MACROD2: variants seen among roughly 807,000 people sequenced by gnomAD.
MACROD2 encodes the protein mono-ADP ribosylhydrolase 2.
Under a neutral mutation model 70.4 loss-of-function variants are expected in MACROD2, and 36 were observed. That is an observed-to-expected ratio of 0.51 (90% CI 0.39 to 0.68). The LOEUF (loss-of-function observed/expected upper bound fraction) is 0.68. MACROD2 is among the 30% of genes least tolerant of loss of function. The pLI, the probability that MACROD2 is intolerant of heterozygous loss-of-function variation, is 0.00. For missense variants in MACROD2, 496 were observed against 538.4 expected (o/e 0.92, Z 0.78); for synonymous variants, 172 against 178.8 (o/e 0.96, Z 0.30).
At chr20:14,711,236 A>G (rs1378740017) in intron 5 of MACROD2, among the ~76,000 whole-genome samples, 1 of 152,180 alleles carries the variant, frequency 6.6e-6, no homozygotes, top group Non-Finnish European at 1.5e-5. Flanking sequence ...ACCTCTTGCT[A>G]GAGCATAGTT....
intron 4 of MACROD2, among the ~76,000 whole-genome samples, chr20:14,500,539 G>A (rs1908765261): frequency 1.3e-5 from 2 of 152,144 alleles, no homozygotes; most frequent in African/African-American, 4.8e-5. Context: ...TTGTCATTAA[G>A]CCTTCCAGAT....
chr20:15,016,863 G>A, intron 5 of MACROD2, among the ~76,000 whole-genome samples: 1 of 152,098 alleles, frequency 6.6e-6, no homozygotes, highest in South Asian at 2.1e-4. Flanking sequence ...CACGAGAATA[G>A]CACAAAAAAG....
intron 8 of MACROD2, among the ~76,000 whole-genome samples, chr20:15,770,331 A>G (rs2147015532): frequency 6.6e-6 from 1 of 152,188 alleles, no homozygotes; most frequent in Middle Eastern, 3.4e-3. Flanking sequence ...TTCTAAGTCT[A>G]AGGAAGAATT....
At chr20:13,998,522 T>C (rs1408978637) in intron 1 of MACROD2, among the ~76,000 whole-genome samples, 1 of 152,190 alleles carries the variant, frequency 6.6e-6, no homozygotes. Context: ...TCTGAGCTTT[T>C]TTAGCACTGC....
intron 8 of MACROD2, among the ~76,000 whole-genome samples, chr20:15,588,074 A>C (rs2048627044): frequency 6.6e-6 from 1 of 152,236 alleles, no homozygotes; most frequent in African/African-American, 2.4e-5. Context: ...CTGTCTGGGC[A>C]TCCAGGTGTT....
Position 14,892,200 on chromosome 20 carries a change from G to A in MACROD2, c.418+207241G>A, listed in dbSNP as rs145042417. On this transcript the variant is annotated intron_variant, in intron 5 of 17. Coordinates refer to ENST00000684519, the MANE Select transcript of MACROD2 (RefSeq NM_001351661.2). ...TAAATTTCTAAATGTGGGCTGGCAT[G>A]GTGGCTCACGCCTATAATCCCAGCA... 6.9e-3 allele frequency among the ~76,000 whole-genome samples: 1,056 copies of A among 152,278 alleles called. 8 individuals carry two copies. The highest frequency in any genetic ancestry group is 0.024 in the African/African-American group (999 of 41,556).
chr20:15,055,944 G>A (rs2075481590), intron 5 of MACROD2, among the ~76,000 whole-genome samples: 1 of 151,692 alleles, frequency 6.6e-6, no homozygotes, highest in African/African-American at 2.4e-5. Flanking sequence ...CCACCACCAT[G>A]CACAGCTAAT....
chr20:14,384,507 A>G (rs1266471604), intron 3 of MACROD2, among the ~76,000 whole-genome samples: 2 of 151,588 alleles, frequency 1.3e-5, no homozygotes. Context: ...GTAGATATTT[A>G]CTGGAGAGAA....
chr20:14,920,875 T>G (rs985638), intron 5 of MACROD2, among the ~76,000 whole-genome samples: 87,707 of 151,958 alleles, frequency 0.58, 25,604 homozygotes, highest in South Asian at 0.74. Context: ...CTCCACACAT[T>G]CACATTAGGA....
intron 5 of MACROD2, among the ~76,000 whole-genome samples, chr20:15,025,713 G>C (rs2075225532): frequency 1.3e-5 from 2 of 152,120 alleles, no homozygotes; most frequent in African/African-American, 4.8e-5. Flanking sequence ...GTAGGGAGGG[G>C]CTGGGGTGCT....
rs1438951437 is a variant in MACROD2, at chr20:15,690,588, T to A, written c.646-172157T>A. 2.0e-5 allele frequency among the ~76,000 whole-genome samples: 3 copies of A among 152,302 alleles called. No homozygotes were observed. The East Asian group carries it at 5.8e-4, about 29-fold the overall frequency. ...GGCACATGGATGATATTTAAAGCCA[T>A]GGGCTGAATAAAAGCACATAGAGAA... On this transcript the variant is annotated intron_variant, in intron 8 of 17. Transcript: ENST00000684519.
chr20:15,091,050 C>G (rs958824507), intron 5 of MACROD2, among the ~76,000 whole-genome samples: 2 of 151,938 alleles, frequency 1.3e-5, no homozygotes, highest in African/African-American at 2.4e-5. Flanking sequence ...CATCCTTCAA[C>G]CAAGGATGAG....
Position 14,462,422 on chromosome 20 carries a change from T to A in MACROD2, c.272-31057T>A, listed in dbSNP as rs138733515. ...TAAATTTGTTTGAGTTCATTGTAGA[T>A]TCTGGATATAAGCCCTTTGTCAGTT... On this transcript the variant is annotated intron_variant, in intron 3 of 17. Coordinates refer to ENST00000684519, the MANE Select transcript of MACROD2 (RefSeq NM_001351661.2). 1.1e-4 allele frequency among the ~76,000 whole-genome samples: 16 copies of A among 152,288 alleles called. No individual in the cohort carries two copies. The East Asian group carries it at 3.1e-3, about 29-fold the overall frequency.
At chr20:15,840,847 C>T (rs1465491767) in intron 8 of MACROD2, among the ~76,000 whole-genome samples, 5 of 152,264 alleles carry the variant, frequency 3.3e-5, no homozygotes, top group African/African-American at 1.2e-4. Context: ...AAATGTTACC[C>T]ACATTAGTTA....
At chr20:15,760,130 G>T (rs2146996800) in intron 8 of MACROD2, among the ~76,000 whole-genome samples, 1 of 152,112 alleles carries the variant, frequency 6.6e-6, no homozygotes, top group East Asian at 1.9e-4. Flanking sequence ...ACACTCGTGG[G>T]ATCAAAAAAG....
At chr20:15,733,683 A>G (rs146939910) in intron 8 of MACROD2, among the ~76,000 whole-genome samples, 2 of 152,310 alleles carry the variant, frequency 1.3e-5, no homozygotes, top group African/African-American at 4.8e-5. Context: ...TGGCATTTTT[A>G]GGCAAGTCAG....
At chr20:15,269,666 C>G (rs190380701) in intron 6 of MACROD2, among the ~76,000 whole-genome samples, 200 of 152,282 alleles carry the variant, frequency 1.3e-3, no homozygotes, top group Non-Finnish European at 2.0e-3. Flanking sequence ...TCTGGAGCAG[C>G]TGTCATTATA....
At chr20:15,937,680 A>T (rs1341882543) in intron 12 of MACROD2, 136 bp downstream of exon 12, 1 of 658,580 alleles carries the variant, frequency 1.5e-6, no homozygotes, top group African/African-American at 1.8e-5. Context: ...AATATAATTG[A>T]CTACACCACC....
At chr20:14,632,839 T>G (rs898741494) in intron 4 of MACROD2, among the ~76,000 whole-genome samples, 1 of 152,222 alleles carries the variant, frequency 6.6e-6, no homozygotes, top group Admixed American at 6.5e-5. Context: ...TTAAAAAACA[T>G]TGTCTTGATT....
Sources: gnomAD v4.1 joint callset for allele counts (sites outside exome capture counted in the v4.1 genomes callset) on GRCh38, gnomAD v4.1.1 for gene constraint, MANE v1.5 for transcripts, NCBI Gene and HGNC (gene_info 2026-07-23, HGNC 2026-07-21) for gene names.